The following KDM6A variants were observed in gnomAD, a reference collection of about 807,000 sequenced individuals.
The protein encoded by KDM6A is lysine-specific demethylase 6A.
A neutral mutation model predicts 117.6 loss-of-function variants in KDM6A; 11 were observed. The observed-to-expected ratio is 0.09, with a 90% CI of 0.06 to 0.15. The LOEUF is 0.15. Among genes scored for constraint, KDM6A ranks in the 10% least tolerant of loss-of-function variants. KDM6A has a pLI of 1.00. For missense variants in KDM6A, 799 were observed against 1,077.3 expected, an observed-to-expected ratio of 0.74 and a Z score of 3.62; for synonymous variants, 384 against 396.1, an observed-to-expected ratio of 0.97 and a Z score of 0.36.
intron 7 of KDM6A, among the ~76,000 whole-genome samples, chrX:45,037,259 T>C (rs921581573): frequency 8.9e-6 from 1 of 112,367 alleles, no homozygotes; most frequent in African/African-American, 3.2e-5. Context: ...ATTTTACTCT[T>C]TTTTGACTTG....
At chrX:44,889,013 C>CATTT (rs749207018) in intron 2 of KDM6A, among the ~76,000 whole-genome samples, 59 of 111,556 alleles carry the variant, frequency 5.3e-4, no homozygotes, top group Middle Eastern at 4.6e-3. Flanking sequence ...TGAAAGTAAG[C>CATTT]ATTTATTTAT....
chrX:44,951,558 G>A (rs1421948712), intron 2 of KDM6A, among the ~76,000 whole-genome samples: 1 of 110,830 alleles, frequency 9.0e-6, no homozygotes, highest in South Asian at 3.7e-4. Context: ...TTGTTATAGT[G>A]ATGATTGCTT....
At chrX:44,882,301 A>G (rs1163012283) in intron 2 of KDM6A, among the ~76,000 whole-genome samples, 1 of 111,821 alleles carries the variant, frequency 8.9e-6, no homozygotes, top group Non-Finnish European at 1.9e-5. Flanking sequence ...TTTCATCTAT[A>G]TATATTTTGC....
At chrX:45,004,157 A>G (rs1569515219) in intron 4 of KDM6A, among the ~76,000 whole-genome samples, 1 of 110,368 alleles carries the variant, frequency 9.1e-6, no homozygotes, top group East Asian at 2.9e-4. Context: ...AATAGCACCT[A>G]TCTTGTCCTT....
At chrX:45,107,326 C>T (rs2148286334) in intron 27 of KDM6A, 84 bp from the exon 28 acceptor site, 1 of 917,575 alleles carries the variant, frequency 1.1e-6, no homozygotes. Context: ...AGTCTCTTGG[C>T]ATTATTTCTA....
intron 6 of KDM6A, among the ~76,000 whole-genome samples, chrX:45,023,890 T>C (rs113733215): frequency 0.041 from 4,530 of 111,793 alleles, 82 homozygotes; most frequent in Middle Eastern, 0.084. Flanking sequence ...GAACATGTGA[T>C]GTTTGGTTTT....
chrX:45,062,784 C>A (rs763913966), intron 16 of KDM6A, 36 bp downstream of exon 16: 1 of 915,927 alleles, frequency 1.1e-6, no homozygotes, highest in Non-Finnish European at 1.6e-6. Context: ...AATTTGTTAG[C>A]ATTTTGAGTA....
At chrX:44,874,116 T>C (rs2146450815) in intron 2 of KDM6A, 129 bp downstream of exon 2, 1 of 586,384 alleles carries the variant, frequency 1.7e-6, no homozygotes, top group East Asian at 3.6e-5. Context: ...CGGAAACTAT[T>C]TCCTGCCTCT....
chrX:44,952,804 CAG>C (rs1391981392), intron 2 of KDM6A, among the ~76,000 whole-genome samples: 1 of 110,474 alleles, frequency 9.1e-6, no homozygotes, highest in African/African-American at 3.3e-5. Flanking sequence ...TGTTTTGAGA[CAG>C]AGTCTCACTG....
At chrX:45,093,913 T>G (rs1330584028) in intron 27 of KDM6A, among the ~76,000 whole-genome samples, 2 of 111,194 alleles carry the variant, frequency 1.8e-5, no homozygotes, top group Non-Finnish European at 3.8e-5. Flanking sequence ...TGCACTTACA[T>G]TCTTATCTAT....
chrX:45,067,691 C>T (rs1443495857), intron 17 of KDM6A, among the ~76,000 whole-genome samples: 3 of 90,128 alleles, frequency 3.3e-5, no homozygotes, highest in East Asian at 6.6e-4. Context: ...CTGGCTCTGT[C>T]GCCAAGCCTG....
At position 44,873,572 on chromosome X, in the gene KDM6A, G is replaced by A. The variant is rs2146440794; in HGVS notation, c.21G>A (p.Ser7=). The A allele has an allele frequency of 8.3e-7, 1 of 1,203,034 alleles. No homozygotes were observed. Among genetic ancestry groups the A allele is most frequent in the Non-Finnish European group, 1.1e-6 (1 of 892,231 alleles). The change falls in exon 1 of 30, where the codon TCG becomes TCA. Residue 7 remains serine (S), a synonymous_variant. Coordinates refer to ENST00000611820, the MANE Select transcript of KDM6A (RefSeq NM_001291415.2). MKSCGV[S]LATAAAAAAA... is the part of the protein sequence containing the mutation. ...TTTCCATGAAATCCTGCGGAGTGTC[G>A]CTCGCTACCGCCGCCGCTGCCGCCG... is the stretch of plus-strand genomic sequence containing the variant.
At chrX:44,996,084 TTTTAA>T (rs1194120896) in intron 4 of KDM6A, among the ~76,000 whole-genome samples, 1 of 110,520 alleles carries the variant, frequency 9.0e-6, no homozygotes, top group African/African-American at 3.3e-5. Flanking sequence ...TGTTTATTTG[TTTTAA>T]TTTAAGAGAT....
intron 14 of KDM6A, 94 bp downstream of exon 14, chrX:45,060,858 T>A: frequency 1.8e-6 from 1 of 554,501 alleles, no homozygotes; most frequent in Non-Finnish European, 2.6e-6. Flanking sequence ...TCCTTTATTT[T>A]AAATTTGTGG....
chrX:44,990,926 T>C (rs1191731854), intron 4 of KDM6A, among the ~76,000 whole-genome samples: 1 of 112,344 alleles, frequency 8.9e-6, no homozygotes, highest in Non-Finnish European at 1.9e-5. Context: ...GTTCTCATCT[T>C]GTATTTTCTG....
intron 2 of KDM6A, among the ~76,000 whole-genome samples, chrX:44,881,697 T>A (rs2032313487): frequency 9.1e-6 from 1 of 110,051 alleles, no homozygotes; most frequent in African/African-American, 3.3e-5. Flanking sequence ...TGTCTTTTTT[T>A]TTTTTTTGAG....
At chrX:44,995,642 A>C (rs1009395974) in intron 4 of KDM6A, among the ~76,000 whole-genome samples, 5 of 109,440 alleles carry the variant, frequency 4.6e-5, no homozygotes, top group Non-Finnish European at 9.5e-5. Context: ...TTTTGTATTT[A>C]TTTTTTAATA....
At chrX:44,910,217 G>A (rs1326258607) in intron 2 of KDM6A, among the ~76,000 whole-genome samples, 1 of 111,629 alleles carries the variant, frequency 9.0e-6, no homozygotes, top group Non-Finnish European at 1.9e-5. Flanking sequence ...ACGAAGTCTC[G>A]CTCCTGTTAC....
At chrX:44,923,112 T>C (rs12014045) in intron 2 of KDM6A, among the ~76,000 whole-genome samples, 4,309 of 111,997 alleles carry the variant, frequency 0.038, 222 homozygotes, top group African/African-American at 0.13. Context: ...GTCATCCTTA[T>C]TTTTGTTCCT....
Sources: allele counts gnomAD v4.1 joint callset (sites outside exome capture counted in the v4.1 genomes callset), GRCh38; gene constraint gnomAD v4.1.1; transcripts MANE v1.5; gene names NCBI Gene and HGNC (gene_info 2026-07-23, HGNC 2026-07-21).